HDX: variants seen among roughly 807,000 people sequenced by gnomAD.
HDX encodes the protein chromosome X open reading frame 43.
HDX carries 19 observed loss-of-function variants against 45.2 expected under a neutral mutation model. The ratio of observed to expected loss-of-function variants is 0.42; its 90% CI spans 0.29 to 0.62. The LOEUF (loss-of-function observed/expected upper bound fraction) is 0.62, where lower values mean the gene tolerates loss of function less well. Among genes scored for constraint, HDX ranks in the 20% least tolerant of loss-of-function variants. HDX has a pLI of 0.20. For missense variants in HDX, 532 were observed against 493.9 expected (o/e 1.08, Z -0.73); for synonymous variants, 188 against 172.8 (o/e 1.09, Z -0.69).
intron 1 of HDX, among the ~76,000 whole-genome samples, chrX:84,496,709 TTAAC>T (rs2041007790): frequency 8.9e-6 from 1 of 112,194 alleles, no homozygotes; most frequent in African/African-American, 3.2e-5. Context: ...CATTACTTTA[TTAAC>T]TAACATAGAT....
intron 4 of HDX, among the ~76,000 whole-genome samples, chrX:84,442,004 C>A (rs1201589188): frequency 9.0e-6 from 1 of 111,179 alleles, no homozygotes; most frequent in East Asian, 2.8e-4. Context: ...TAGACAGATG[C>A]TACTCTAATG....
chrX:84,358,163 G>A (rs1424843760), intron 6 of HDX, among the ~76,000 whole-genome samples: 5 of 111,655 alleles, frequency 4.5e-5, no homozygotes, highest in Non-Finnish European at 7.5e-5. Context: ...AATACTTACA[G>A]CTAAACCTAA....
Position 84,344,322 on chromosome X carries a change from C to A in HDX, c.1588G>T (p.Gly530Trp), listed in dbSNP as rs1403988018. Residue 530 changes from glycine (G) to tryptophan (W), a missense_variant, in exon 7 of 11, where the codon GGG becomes TGG. Physicochemically the swap from Gly to Trp is radical, Grantham distance 184. This residue lies in a region of HDX where 151 missense variants were observed against 131.8 expected (regional missense o/e 1.15). Coordinates refer to ENST00000373177, the MANE Select transcript of HDX (RefSeq NM_001177479.2). The part of the protein sequence containing the change: ...LSALTPGEEA[G>W]PEVGEDNDRN... ...TCATTATCCTCTCCTACTTCAGGCC[C>A]AGCTTCCTCTCCTGGTGTGAGTGCA... 9.9e-6 allele frequency: 12 copies of A among 1,206,452 alleles called. No individual in the cohort carries two copies. The highest frequency in any genetic ancestry group is 1.3e-5 in the Non-Finnish European group (12 of 892,466).
chrX:84,364,372 T>C (rs1357766419), intron 5 of HDX, among the ~76,000 whole-genome samples: 1 of 110,620 alleles, frequency 9.0e-6, no homozygotes, highest in Non-Finnish European at 1.9e-5. Context: ...GCCTCAGTCT[T>C]TTTTTAGTGA....
chrX:84,354,703 GT>G (rs1318696831), intron 6 of HDX, among the ~76,000 whole-genome samples: 1 of 108,830 alleles, frequency 9.2e-6, no homozygotes, highest in Non-Finnish European at 1.9e-5. Flanking sequence ...GTGTTGTAAA[GT>G]TTTTTCCAAA....
In HDX at chrX:84,321,921, A is replaced by C. The variant is rs758813111; in HGVS notation, c.2041T>G (p.Leu681Val). The C allele has an allele frequency of 8.4e-7, 1 of 1,185,989 alleles. No individual in the cohort carries two copies. The highest frequency in any genetic ancestry group is 1.1e-6 in the Non-Finnish European group (1 of 877,789). ...CTTTCTGAGACATTTTTCTCTGACA[A>C]AGAAGATACACTGAATGAGGTATCA... is the stretch of plus-strand genomic sequence containing the variant. The part of the protein sequence containing the change: ...PDDTSFSVSS[L>V]SEKNVSESL The change falls in exon 11 of 11, where the codon TTG becomes GTG. Residue 681 changes from leucine to valine, a missense_variant. Leu to Val is a conservative substitution (Grantham distance 32). This residue lies in a region of HDX where 151 missense variants were observed against 131.8 expected (regional missense o/e 1.15). Coordinates refer to ENST00000373177, the MANE Select transcript of HDX (RefSeq NM_001177479.2).
At chrX:84,329,355 C>T (rs2036794260) in intron 9 of HDX, among the ~76,000 whole-genome samples, 1 of 111,573 alleles carries the variant, frequency 9.0e-6, no homozygotes, top group African/African-American at 3.3e-5. Flanking sequence ...TTAATACATA[C>T]ATTATTGGTG....
At chrX:84,481,249 T>G (rs1297837100) in intron 2 of HDX, among the ~76,000 whole-genome samples, 1 of 111,824 alleles carries the variant, frequency 8.9e-6, no homozygotes, top group African/African-American at 3.2e-5. Flanking sequence ...TTTAGTGATC[T>G]TTTAAAAGAT....
intron 5 of HDX, among the ~76,000 whole-genome samples, chrX:84,414,944 G>A (rs893883874): frequency 5.4e-5 from 6 of 112,081 alleles, no homozygotes. Flanking sequence ...TCTTATGTGA[G>A]TATCATAAGG....
chrX:84,385,485 C>T (rs999182574), intron 5 of HDX, among the ~76,000 whole-genome samples: 3 of 110,111 alleles, frequency 2.7e-5, no homozygotes, highest in African/African-American at 9.9e-5. Flanking sequence ...AGTGCTGGGA[C>T]TACAGGCGTG....
intron 4 of HDX, among the ~76,000 whole-genome samples, chrX:84,462,822 A>G (rs1319588605): frequency 8.9e-6 from 1 of 111,776 alleles, no homozygotes; most frequent in Non-Finnish European, 1.9e-5. Context: ...GTGAAAAATC[A>G]TAACTCATTC....
chrX:84,393,260 C>A (rs1249656210), intron 5 of HDX, among the ~76,000 whole-genome samples: 1 of 111,223 alleles, frequency 9.0e-6, no homozygotes, highest in Non-Finnish European at 1.9e-5. Context: ...TCATTTTCTG[C>A]ACTTATTGAG....
At chrX:84,388,006 G>A (rs1289152199) in intron 5 of HDX, among the ~76,000 whole-genome samples, 4 of 111,753 alleles carry the variant, frequency 3.6e-5, no homozygotes, top group Non-Finnish European at 5.6e-5. Context: ...TGAAATGAAC[G>A]CCACTATCAT....
chrX:84,470,127 A>T (rs1392492627), intron 3 of HDX, among the ~76,000 whole-genome samples: 1 of 111,890 alleles, frequency 8.9e-6, no homozygotes, highest in African/African-American at 3.2e-5. Flanking sequence ...CAGATTATTT[A>T]TAGTATTTTT....
rs146043472 is a variant in HDX, at chrX:84,385,196, C to CTTTT, written c.1306-23588_1306-23585dup. Among the ~76,000 whole-genome samples, 8 of 29,536 alleles carry CTTTT rather than the reference C, an allele frequency of 2.7e-4. 2 individuals carry two copies. The highest frequency in any genetic ancestry group is 3.2e-4 in the African/African-American group (2 of 6,284). 25.6% of individuals were successfully genotyped at this position (29,536 alleles called of 115,157 possible). ...CATATATTTGTGTCATCTCTGATTT[C>CTTTT]TTTTTTTTTTTTTTTTTTTTTTTTT... On this transcript the variant is annotated intron_variant, in intron 5 of 10. Transcript: ENST00000373177.
At chrX:84,447,282 C>T (rs982597310) in intron 4 of HDX, among the ~76,000 whole-genome samples, 2 of 111,569 alleles carry the variant, frequency 1.8e-5, no homozygotes, top group African/African-American at 6.5e-5. Flanking sequence ...GATAATCACA[C>T]TTTGAATAGA....
Position 84,320,391 on chromosome X carries a change from T to A in HDX, c.*1498A>T, listed in dbSNP as rs548770918. 3 of 110,906 alleles carry A rather than the reference T, an allele frequency of 2.7e-5. No homozygotes were observed. The highest frequency in any genetic ancestry group is 9.8e-5 in the African/African-American group (3 of 30,729). 9.1% of individuals were successfully genotyped at this position (110,906 alleles called of 1,213,427 possible). On this transcript the variant is annotated 3_prime_UTR_variant, in exon 11 of 11. Transcript: ENST00000373177. Reference sequence around the variant, plus strand: ...AGACTATCAGTGGGAGCTTACCTATTTGTGTGTGTGGGAGGATGGGACACT... The same window carrying A: ...AGACTATCAGTGGGAGCTTACCTATATGTGTGTGTGGGAGGATGGGACACT...
At chrX:84,423,483 C>CAAAA (rs538893311) in intron 5 of HDX, among the ~76,000 whole-genome samples, 39 of 59,470 alleles carry the variant, frequency 6.6e-4, no homozygotes, top group Admixed American at 1.8e-3. Flanking sequence ...ACAGAAACAT[C>CAAAA]AAAAAAAAAA....
chrX:84,491,508 T>A (rs999405347), intron 1 of HDX, among the ~76,000 whole-genome samples: 5 of 112,210 alleles, frequency 4.5e-5, no homozygotes, highest in African/African-American at 1.6e-4. Context: ...CACCCTTTTT[T>A]ATTCTGTTTT....
Sources: gnomAD v4.1 joint callset for allele counts (sites outside exome capture counted in the v4.1 genomes callset) on GRCh38, gnomAD v4.1.1 for gene constraint, gnomAD v4.1.1 regional missense constraint, MANE v1.5 for transcripts, NCBI Gene and HGNC (gene_info 2026-07-23, HGNC 2026-07-21) for gene names.